Variants in NAALADL2 observed in about 807,000 individuals in gnomAD.
The protein encoded by NAALADL2 is inactive N-acetylated-alpha-linked acidic dipeptidase-like protein 2.
In NAALADL2, 76 loss-of-function variants were observed where a neutral mutation model predicts 87.2. The ratio of observed to expected loss-of-function variants is 0.87; its 90% CI spans 0.72 to 1.05. The LOEUF (loss-of-function observed/expected upper bound fraction) is 1.05, where lower values mean the gene tolerates loss of function less well. NAALADL2 is among the 50% of genes least tolerant of loss of function. The probability of loss-of-function intolerance (pLI) is 0.00; values close to 1 mark genes in which losing one functional copy is unlikely to be tolerated. For synonymous variants in NAALADL2, 354 were observed against 331.0 expected, an observed-to-expected ratio of 1.07 and a Z score of -0.75; for missense variants, 1,089 against 945.8, an observed-to-expected ratio of 1.15 and a Z score of -1.99.
At chr3:175,525,657 A>G (rs1418828722) in intron 9 of NAALADL2, among the ~76,000 whole-genome samples, 2 of 151,964 alleles carry the variant, frequency 1.3e-5, no homozygotes, top group Non-Finnish European at 2.9e-5. Context: ...AAATTGATGG[A>G]CTTCTTTGTG....
chr3:175,072,896 A>T (rs1715925258), intron 1 of NAALADL2, among the ~76,000 whole-genome samples: 2 of 152,024 alleles, frequency 1.3e-5, no homozygotes, highest in Admixed American at 1.3e-4. Flanking sequence ...GAGGCAAAAA[A>T]GTCACTCTGC....
chr3:175,556,235 T>A (rs979200940), intron 9 of NAALADL2, among the ~76,000 whole-genome samples: 1 of 152,114 alleles, frequency 6.6e-6, no homozygotes, highest in African/African-American at 2.4e-5. Flanking sequence ...AAAAAATATT[T>A]TGAAAAGTCA....
chr3:175,652,887 A>G (rs553869001), intron 11 of NAALADL2, among the ~76,000 whole-genome samples: 1 of 152,244 alleles, frequency 6.6e-6, no homozygotes, highest in East Asian at 1.9e-4. Context: ...TTGAAAATGC[A>G]CACATAACTT....
At chr3:175,351,919 C>A (rs1237353292) in intron 5 of NAALADL2, among the ~76,000 whole-genome samples, 1 of 152,094 alleles carries the variant, frequency 6.6e-6, no homozygotes, top group Non-Finnish European at 1.5e-5. Flanking sequence ...TCCACTAAAC[C>A]TCCAGTCATT....
chr3:174,956,667 G>A (rs77254939), intron 1 of NAALADL2, among the ~76,000 whole-genome samples: 6,493 of 152,058 alleles, frequency 0.043, 226 homozygotes, highest in African/African-American at 0.093. Flanking sequence ...ATCTCTTGGA[G>A]GATCTAAAAA....
At chr3:175,477,942 G>T (rs1293272250) in intron 9 of NAALADL2, among the ~76,000 whole-genome samples, 2 of 151,934 alleles carry the variant, frequency 1.3e-5, no homozygotes, top group South Asian at 4.1e-4. Context: ...ATCACAGAAG[G>T]TACAGTGCTA....
intron 1 of NAALADL2, among the ~76,000 whole-genome samples, chr3:174,529,702 T>C (rs146522599): frequency 6.6e-6 from 1 of 152,208 alleles, no homozygotes; most frequent in Non-Finnish European, 1.5e-5. Flanking sequence ...CTCTGTGCAC[T>C]GGCAGGCTGA....
chr3:174,830,214 TGCCTA>T (rs2109365555), intron 3 of NAALADL2, among the ~76,000 whole-genome samples: 1 of 142,240 alleles, frequency 7.0e-6, no homozygotes, highest in Non-Finnish European at 1.5e-5. Context: ...TGAATGGTAA[TGCCTA>T]GGTTTTCTTC....
intron 5 of NAALADL2, among the ~76,000 whole-genome samples, chr3:175,349,750 A>G (rs967164146): frequency 6.6e-6 from 1 of 152,124 alleles, no homozygotes; most frequent in Non-Finnish European, 1.5e-5. Flanking sequence ...CTCTATTTGC[A>G]CCATAGTAGC....
In NAALADL2 at chr3:175,400,175, A is replaced by G. The variant is rs529318295; in HGVS notation, c.1091-47054A>G. ...GAATTCAGAAAAGAGAAAAAAAATCAATCTGCGTTATTCCCACAATATTCT... is the reference window on the plus strand; with the variant it reads ...GAATTCAGAAAAGAGAAAAAAAATCGATCTGCGTTATTCCCACAATATTCT... On this transcript the variant is annotated intron_variant, in intron 5 of 13. Coordinates refer to ENST00000454872, the MANE Select transcript of NAALADL2 (RefSeq NM_207015.3). Among the ~76,000 whole-genome samples, 5 of 152,294 alleles carry G rather than the reference A, an allele frequency of 3.3e-5. No homozygotes were observed. In the South Asian group the frequency reaches 1.0e-3, roughly 32 times the overall value.
At chr3:175,240,889 G>T (rs778619068) in intron 3 of NAALADL2, among the ~76,000 whole-genome samples, 1 of 152,068 alleles carries the variant, frequency 6.6e-6, no homozygotes, top group African/African-American at 2.4e-5. Flanking sequence ...TGGAACTCCC[G>T]ACCTCAGGTG....
chr3:175,453,885 A>G (rs763625347), intron 6 of NAALADL2, among the ~76,000 whole-genome samples: 12 of 152,036 alleles, frequency 7.9e-5, no homozygotes, highest in Non-Finnish European at 1.5e-4. Flanking sequence ...TTTTCACTTT[A>G]TATGTTTTGA....
chr3:175,602,053 G>A (rs1723040942), intron 10 of NAALADL2, among the ~76,000 whole-genome samples: 1 of 152,056 alleles, frequency 6.6e-6, no homozygotes, highest in Admixed American at 6.6e-5. Flanking sequence ...TGTATATTCA[G>A]GTAGACTTGA....
chr3:174,587,767 C>T (rs1716891165), intron 2 of NAALADL2, among the ~76,000 whole-genome samples: 1 of 152,200 alleles, frequency 6.6e-6, no homozygotes, highest in Non-Finnish European at 1.5e-5. Context: ...ATGGGCTTCC[C>T]TTTGTGGGTA....
chr3:175,409,623 A>C (rs961496283), intron 5 of NAALADL2, among the ~76,000 whole-genome samples: 1 of 151,900 alleles, frequency 6.6e-6, no homozygotes, highest in Non-Finnish European at 1.5e-5. Flanking sequence ...TTTTTTTACC[A>C]ATCTCCCTCC....
At chr3:175,202,524 G>T (rs1740199205) in intron 2 of NAALADL2, among the ~76,000 whole-genome samples, 1 of 152,160 alleles carries the variant, frequency 6.6e-6, no homozygotes, top group African/African-American at 2.4e-5. Context: ...AAAGAAAAGT[G>T]ATTTTAGCAT....
intron 1 of NAALADL2, among the ~76,000 whole-genome samples, chr3:175,057,411 T>G (rs942634425): frequency 2.6e-5 from 4 of 152,194 alleles, no homozygotes; most frequent in African/African-American, 9.6e-5. Flanking sequence ...TTTTCTACCC[T>G]CACCCCGGTT....
intron 2 of NAALADL2, among the ~76,000 whole-genome samples, chr3:175,179,846 A>G (rs1410396886): frequency 6.6e-6 from 1 of 152,094 alleles, no homozygotes; most frequent in African/African-American, 2.4e-5. Flanking sequence ...ATCTCAAGCA[A>G]CACATTTCAG....
chr3:174,964,778 A>G (rs1409056523), intron 1 of NAALADL2, among the ~76,000 whole-genome samples: 1 of 151,906 alleles, frequency 6.6e-6, no homozygotes, highest in Admixed American at 6.6e-5. Flanking sequence ...TTAATAACGT[A>G]GCACCTCTCA....
Sources: allele counts gnomAD v4.1 joint callset (sites outside exome capture counted in the v4.1 genomes callset), GRCh38; gene constraint gnomAD v4.1.1; transcripts MANE v1.5; gene names NCBI Gene and HGNC (gene_info 2026-07-23, HGNC 2026-07-21).